SSH1: variants seen among roughly 807,000 people sequenced by gnomAD.
SSH1 encodes protein phosphatase Slingshot homolog 1.
In SSH1, 43 loss-of-function variants were observed where a neutral mutation model predicts 79.7. The observed-to-expected ratio is 0.54, with a 90% CI of 0.42 to 0.70. SSH1 has a LOEUF of 0.70. Ranked by LOEUF, SSH1 falls within the 30% of genes least tolerant of loss-of-function variation. SSH1 has a pLI of 0.00. For missense variants in SSH1, 1,206 were observed against 1,358.8 expected (o/e 0.89, Z 1.77); for synonymous variants, 599 against 538.3 (o/e 1.11, Z -1.56).
At chr12:108,837,184 A>G (rs1357209468) in intron 2 of SSH1, among the ~76,000 whole-genome samples, 1 of 152,194 alleles carries the variant, frequency 6.6e-6, no homozygotes, top group Non-Finnish European at 1.5e-5. Flanking sequence ...GCGAGCTGAG[A>G]TATCACCGCT....
rs966673822 is a variant in SSH1 at position 108,818,260 on chromosome 12, T to C, written c.268A>G (p.Arg90Gly). Residue 90 changes from arginine to glycine, a missense_variant, in exon 4 of 15, where the codon AGA (arginine) becomes GGA (glycine). Physicochemically the swap from Arg to Gly is moderately radical, Grantham distance 125. This residue lies in a region of SSH1 where 115 missense variants were observed against 173.9 expected (regional missense o/e 0.66). Transcript: ENST00000326495. ...VMINLLRCED[R>G]IKLAVRLESA... ...TCACTGCTTCTTACCAGCTTGATTC[T>C]GTCTTCGCAACGCAGAAGGTTGATC... 4.3e-6 allele frequency: 7 copies of C among 1,613,900 alleles called. No individual in the cohort carries two copies. The highest frequency in any genetic ancestry group is 5.9e-6 in the Non-Finnish European group (7 of 1,179,944).
chr12:108,810,193 AAT>A (rs1326163206), intron 6 of SSH1, among the ~76,000 whole-genome samples: 21 of 151,232 alleles, frequency 1.4e-4, no homozygotes, highest in Non-Finnish European at 1.9e-4. Context: ...CATTAATATA[AAT>A]ATGTTAATAT....
intron 2 of SSH1, among the ~76,000 whole-genome samples, chr12:108,833,444 C>T (rs1322605657): frequency 6.6e-6 from 1 of 152,218 alleles, no homozygotes; most frequent in Non-Finnish European, 1.5e-5. Flanking sequence ...CTCAAAAATT[C>T]CGAGAAGAGA....
intron 2 of SSH1, chr12:108,826,112 C>T (rs1383647075): frequency 2.2e-6 from 1 of 454,718 alleles, no homozygotes; most frequent in African/African-American, 2.0e-5. Context: ...ACCAGAAACC[C>T]AAGCACGCTG....
Position 108,800,656 on chromosome 12 carries a change from C to T in SSH1, c.1148+124G>A, listed in dbSNP as rs533943335. On this transcript the variant is annotated intron_variant, in intron 12 of 14. Transcript: ENST00000326495. ...CACTCCCACCAGCCAACTCCTGCGT[C>T]TGGAGTCCCGTTAGGATCCCCCCTC... The T allele has an allele frequency of 1.2e-5, 14 of 1,180,136 alleles. No individual in the cohort carries two copies. In the African/African-American group the frequency reaches 2.2e-4, roughly 19 times the overall value. 73.1% of individuals were successfully genotyped at this position (1,180,136 alleles called of 1,614,324 possible).
intron 2 of SSH1, among the ~76,000 whole-genome samples, chr12:108,835,752 T>A (rs2137238963): frequency 6.6e-6 from 1 of 151,750 alleles, no homozygotes; most frequent in Non-Finnish European, 1.5e-5. Context: ...AGGGCATCTG[T>A]GCAGGGAGGG....
chr12:108,827,768 C>G (rs1424491279), intron 2 of SSH1, among the ~76,000 whole-genome samples: 3 of 152,220 alleles, frequency 2.0e-5, no homozygotes, highest in Non-Finnish European at 4.4e-5. Context: ...AAGGATGACT[C>G]TTTCTTTCAA....
intron 10 of SSH1, among the ~76,000 whole-genome samples, chr12:108,803,648 C>CATA (rs945007488): frequency 1.3e-5 from 2 of 152,168 alleles, no homozygotes; most frequent in Non-Finnish European, 2.9e-5. Context: ...ACACTAAAAA[C>CATA]ATAACGCGAG....
At chr12:108,855,565 G>T (rs1444467273) in intron 1 of SSH1, among the ~76,000 whole-genome samples, 1 of 152,180 alleles carries the variant, frequency 6.6e-6, no homozygotes, top group African/African-American at 2.4e-5. Context: ...GTAACTCTAG[G>T]AACATGGGGT....
At chr12:108,852,904 G>C (rs767485728) in intron 1 of SSH1, 1 of 985,260 alleles carries the variant, frequency 1.0e-6, no homozygotes, top group East Asian at 1.1e-4. Context: ...CATTCCTGCC[G>C]CAGTCCAGGG....
chr12:108,801,736 T>A lies in SSH1; in HGVS notation c.1001+586A>T, dbSNP rs796200589. Among the ~76,000 whole-genome samples the A allele has an allele frequency of 8.5e-3, 1,166 of 137,620 alleles. 18 individuals carry two copies. Among genetic ancestry groups the A allele is most frequent in the African/African-American group, 0.028 (1,048 of 36,950 alleles). The allele number at this position is 137,620 out of a possible 152,430, so 90.3% of individuals were successfully genotyped here. A position where few individuals can be genotyped will look rare whatever the true frequency, so the allele number is the denominator to read the frequency against. ...CGGTGATTTTGTGGCTGTGTTGTTTTAAAAAAAAAAAAAAAAAAAGTCCAG... is the reference window on the plus strand; with the variant it reads ...CGGTGATTTTGTGGCTGTGTTGTTTAAAAAAAAAAAAAAAAAAAAGTCCAG... On this transcript the variant is annotated intron_variant, in intron 11 of 14. Coordinates refer to ENST00000326495, the MANE Select transcript of SSH1 (RefSeq NM_018984.4).
chr12:108,837,968 G>A (rs990681680), intron 2 of SSH1, among the ~76,000 whole-genome samples: 4 of 151,984 alleles, frequency 2.6e-5, no homozygotes, highest in African/African-American at 9.7e-5. Context: ...TTTTTTTGTA[G>A]AGACAGGGTC....
chr12:108,850,402 G>A (rs1332093544), intron 2 of SSH1, among the ~76,000 whole-genome samples: 1 of 23,852 alleles, frequency 4.2e-5, no homozygotes, highest in Non-Finnish European at 8.9e-5. Flanking sequence ...GGAGATGGGG[G>A]AGGGGAGATG....
At position 108,817,094 on chromosome 12, in the gene SSH1, C is replaced by G; in HGVS notation, c.345G>C (p.Gly115=). Residue 115 remains glycine (G), a synonymous_variant, in exon 5 of 15, where the codon GGG becomes GGC. Coordinates refer to ENST00000326495, the MANE Select transcript of SSH1 (RefSeq NM_018984.4). ...AGATATTCTCCTCGGTGTCCTGGCG[C>G]CCGCTGCTGTACACCACCACCATGT... The part of the protein sequence containing the change: ...VRYMVVVYSS[G]RQDTEENILL... 7 of 1,614,242 alleles carry G rather than the reference C, an allele frequency of 4.3e-6. No homozygotes were observed. The highest frequency in any genetic ancestry group is 5.1e-6 in the Non-Finnish European group (6 of 1,180,052).
chr12:108,792,314 C>CTGT lies in SSH1; in HGVS notation c.1862_1864dup (p.Asn621dup). 1 of 1,614,204 alleles carries CTGT rather than the reference C, an allele frequency of 6.2e-7. No homozygotes were observed. The highest frequency in any genetic ancestry group is 8.5e-7 in the Non-Finnish European group (1 of 1,180,032). On this transcript the variant is annotated inframe_insertion, in exon 14 of 15. Coordinates refer to ENST00000326495, the MANE Select transcript of SSH1 (RefSeq NM_018984.4). ...CATGCCGTTGGGACAGCTCCTCTTGCTGTTGTTGTTTAGGTTCTCCGAGTT... is the reference window on the plus strand; with the variant it reads ...CATGCCGTTGGGACAGCTCCTCTTGCTGTTGTTGTTGTTTAGGTTCTCCGAGTT...
chr12:108,795,400 C>T (rs903131079), intron 13 of SSH1, among the ~76,000 whole-genome samples: 1 of 152,082 alleles, frequency 6.6e-6, no homozygotes, highest in African/African-American at 2.4e-5. Context: ...CAGGCACACG[C>T]CACCACACCT....
chr12:108,801,200 T>G (rs1044153318), intron 11 of SSH1, among the ~76,000 whole-genome samples: 3 of 152,170 alleles, frequency 2.0e-5, no homozygotes, highest in African/African-American at 7.2e-5. Flanking sequence ...TTCTGGAAAA[T>G]TAAATATACG....
In SSH1 at chr12:108,789,242, A is replaced by T; in HGVS notation, c.1896T>A (p.Asp632Glu). The T allele has an allele frequency of 6.3e-7, 1 of 1,592,366 alleles. No homozygotes were observed. Residue 632 changes from aspartate to glutamate, a missense_variant and splice_region_variant, in exon 15 of 15, where the codon GAT becomes GAA. Asp to Glu is a conservative substitution (Grantham distance 45). Coordinates refer to ENST00000326495, the MANE Select transcript of SSH1 (RefSeq NM_018984.4). The stretch of plus-strand genomic sequence containing the variant: ...TGTTAAGGATCCCAAATATAGCATC[A>T]TCCTGCAAGGAAGGGGACAAGAGCA... ...SKRSCPNGME[D>E]DAIFGILNKV...
At chr12:108,805,025 A>G in intron 10 of SSH1, 31 bp downstream of exon 10, 1 of 1,613,358 alleles carries the variant, frequency 6.2e-7, no homozygotes, top group East Asian at 2.2e-5. Flanking sequence ...ATGTCCCCCA[A>G]ACCAGATACT....
Sources: allele counts gnomAD v4.1 joint callset (sites outside exome capture counted in the v4.1 genomes callset), GRCh38; gene constraint gnomAD v4.1.1; regional missense constraint gnomAD v4.1.1; transcripts MANE v1.5; gene names NCBI Gene and HGNC (gene_info 2026-07-23, HGNC 2026-07-21).